ATXN8OS: variants seen among roughly 807,000 people sequenced by gnomAD.
ATXN8OS encodes ATXN8 opposite strand lncRNA.
chr13:70,149,975 A>G (rs7322990), intron 4 of ATXN8OS, among the ~76,000 whole-genome samples: 14,873 of 152,156 alleles, frequency 0.098, 777 homozygotes, highest in Middle Eastern at 0.19. Flanking sequence ...CCTAATACAG[A>G]ATTCCTGAAC....
At chr13:70,127,435 T>C (rs1182552966) in intron 2 of ATXN8OS, among the ~76,000 whole-genome samples, 1 of 152,120 alleles carries the variant, frequency 6.6e-6, no homozygotes, top group Non-Finnish European at 1.5e-5. Flanking sequence ...ACATAATTAA[T>C]TGAAATAAAT....
intron 4 of ATXN8OS, among the ~76,000 whole-genome samples, chr13:70,153,175 C>T (rs1372679949): frequency 1.3e-5 from 2 of 152,036 alleles, no homozygotes; most frequent in African/African-American, 4.8e-5. Context: ...AGAGACATTA[C>T]TGGAAATTAG....
intron 2 of ATXN8OS, among the ~76,000 whole-genome samples, chr13:70,118,160 A>T (rs1007415083): frequency 1.3e-5 from 2 of 152,134 alleles, no homozygotes; most frequent in African/African-American, 4.8e-5. Context: ...CAGTTGACAA[A>T]TCACTTAAGT....
intron 4 of ATXN8OS, among the ~76,000 whole-genome samples, chr13:70,168,198 C>T (rs1019408517): frequency 1.3e-5 from 2 of 151,992 alleles, no homozygotes; most frequent in African/African-American, 2.4e-5. Context: ...TCAGCAGTTA[C>T]CTTCTTTAAA....
At chr13:70,150,446 T>A (rs1888851834) in intron 4 of ATXN8OS, among the ~76,000 whole-genome samples, 1 of 152,116 alleles carries the variant, frequency 6.6e-6, no homozygotes, top group African/African-American at 2.4e-5. Flanking sequence ...CAGGCTTCCA[T>A]GTCTATAATT....
At chr13:70,165,837 GA>G (rs1045479726) in intron 4 of ATXN8OS, among the ~76,000 whole-genome samples, 10 of 151,890 alleles carry the variant, frequency 6.6e-5, no homozygotes, top group Non-Finnish European at 1.3e-4. Flanking sequence ...GAGTCCTTGA[GA>G]AAAATTACAA....
intron 1 of ATXN8OS, chr13:70,115,104 G>A: frequency 2.5e-6 from 1 of 396,998 alleles, no homozygotes; most frequent in Non-Finnish European, 4.4e-6. Context: ...CTACATACTG[G>A]GTAATTTATA....
intron 4 of ATXN8OS, among the ~76,000 whole-genome samples, chr13:70,155,170 T>C (rs1450276305): frequency 1.3e-5 from 2 of 152,190 alleles, no homozygotes; most frequent in Non-Finnish European, 2.9e-5. Context: ...TACCTTCTCA[T>C]GGTAATCGTG....
intron 3 of ATXN8OS, among the ~76,000 whole-genome samples, chr13:70,146,651 AACTATC>A (rs1888790147): frequency 6.6e-6 from 1 of 151,978 alleles, no homozygotes; most frequent in South Asian, 2.1e-4. Flanking sequence ...ATTCTCAGCA[AACTATC>A]ACAAGGACAA....
chr13:70,157,778 G>A (rs1888955928), intron 4 of ATXN8OS, among the ~76,000 whole-genome samples: 1 of 152,098 alleles, frequency 6.6e-6, no homozygotes, highest in Non-Finnish European at 1.5e-5. Context: ...ACTCCAACTG[G>A]CCTAACTTAA....
chr13:70,131,947 A>T (rs1774816124), intron 3 of ATXN8OS, among the ~76,000 whole-genome samples: 1 of 152,190 alleles, frequency 6.6e-6, no homozygotes. Context: ...ATACAGATAC[A>T]CTAGTCTAAA....
At chr13:70,109,545 T>C (rs3812853) in intron 1 of ATXN8OS, among the ~76,000 whole-genome samples, 14,230 of 152,124 alleles carry the variant, frequency 0.094, 980 homozygotes, top group East Asian at 0.32. Context: ...TTGGACGCTT[T>C]AATAAAATAA....
At chr13:70,125,783 A>C (rs148404858) in intron 2 of ATXN8OS, among the ~76,000 whole-genome samples, 6 of 152,118 alleles carry the variant, frequency 3.9e-5, no homozygotes, top group Admixed American at 3.9e-4. Context: ...TGTTTCACTG[A>C]TGCACAGTCA....
intron 3 of ATXN8OS, among the ~76,000 whole-genome samples, chr13:70,140,457 G>C (rs1045500206): frequency 6.7e-6 from 1 of 149,356 alleles, no homozygotes; most frequent in Middle Eastern, 3.5e-3. Context: ...AAAATTTAGG[G>C]CATGTGTTTT....
At chr13:70,159,824 T>C (rs761824377) in intron 4 of ATXN8OS, among the ~76,000 whole-genome samples, 1 of 152,250 alleles carries the variant, frequency 6.6e-6, no homozygotes, top group Non-Finnish European at 1.5e-5. Context: ...TCATCCAGAA[T>C]AATGCATTTG....
At chr13:70,121,944 C>T (rs1888365257) in intron 2 of ATXN8OS, among the ~76,000 whole-genome samples, 1 of 151,960 alleles carries the variant, frequency 6.6e-6, no homozygotes, top group African/African-American at 2.4e-5. Flanking sequence ...ATTTGAAAGA[C>T]AGCAGTGGCA....
At chr13:70,107,586 C>G, upstream of ATXN8OS, 1 of 1,602,722 alleles carries the variant, frequency 6.2e-7, no homozygotes, top group Middle Eastern at 1.7e-4. Flanking sequence ...CGTCCTGTTG[C>G]AGGCAGCCTC....
intron 4 of ATXN8OS, among the ~76,000 whole-genome samples, chr13:70,156,677 T>A (rs1888941729): frequency 6.6e-6 from 1 of 152,144 alleles, no homozygotes; most frequent in Non-Finnish European, 1.5e-5. Context: ...AATTCAAGCT[T>A]TGTTATAATG....
chr13:70,152,088 T>A (rs1270936841), intron 4 of ATXN8OS, among the ~76,000 whole-genome samples: 1 of 152,128 alleles, frequency 6.6e-6, no homozygotes, highest in Non-Finnish European at 1.5e-5. Flanking sequence ...CTTTATGCAC[T>A]GCTCCATTCA....
Sources: gnomAD v4.1 joint callset for allele counts (sites outside exome capture counted in the v4.1 genomes callset) on GRCh38, gnomAD v4.1.1 for gene constraint, MANE v1.5 for transcripts, NCBI Gene and HGNC (gene_info 2026-07-23, HGNC 2026-07-21) for gene names.